The following MBOAT7 variants were observed in gnomAD, a reference collection of about 807,000 sequenced individuals.
MBOAT7 encodes membrane bound acylglycerophosphatidylinositol O-acyltransferase MBOAT7, also known as membrane-bound acylglycerophosphatidylinositol O-acyltransferase MBOAT7.
Under a neutral mutation model 47.4 loss-of-function variants are expected in MBOAT7, and 40 were observed. That is an observed-to-expected ratio of 0.84 (90% CI 0.66 to 1.10). The LOEUF (loss-of-function observed/expected upper bound fraction) is 1.10, where lower values mean the gene tolerates loss of function less well. Among genes scored for constraint, MBOAT7 ranks in the 50% least tolerant of loss-of-function variants. MBOAT7 has a pLI of 0.00. For synonymous variants in MBOAT7, 361 were observed against 292.0 expected (o/e 1.24, Z -2.41); for missense variants, 680 against 655.6 (o/e 1.04, Z -0.41).
intron 6 of MBOAT7, 184 bp from the exon 7 acceptor site, chr19:54,179,125 AGGTGGGTGGGCTG>A (rs1262389030): frequency 1.4e-6 from 1 of 733,456 alleles, no homozygotes; most frequent in East Asian, 2.7e-5. Flanking sequence ...TAGGGTAGGA[AGGTGGGTGGGCTG>A]GGTGGTACAG....
rs1270774109 is a variant in MBOAT7, at chr19:54,173,807, G to A, written c.*237C>T. The A allele has an allele frequency of 4.2e-6, 2 of 474,602 alleles. No homozygotes were observed. The highest frequency in any genetic ancestry group is 7.3e-6 in the Non-Finnish European group (2 of 273,946). 29.4% of individuals were successfully genotyped at this position (474,602 alleles called of 1,614,324 possible). On this transcript the variant is annotated 3_prime_UTR_variant, in exon 8 of 8. Transcript: ENST00000245615. Reference sequence around the variant, plus strand: ...TCTGGATACCCAGAAGCTGGAGCAGGGGCCAGTGACTCTTGTCTGGACAAT... The same window carrying A: ...TCTGGATACCCAGAAGCTGGAGCAGAGGCCAGTGACTCTTGTCTGGACAAT...
intron 7 of MBOAT7, chr19:54,178,475 G>T (rs73613045): frequency 2.3e-6 from 3 of 1,326,906 alleles, no homozygotes; most frequent in Non-Finnish European, 2.9e-6. Flanking sequence ...TAACCTGGAC[G>T]GCCAAGATTC....
intron 5 of MBOAT7, among the ~76,000 whole-genome samples, chr19:54,181,977 GGGAGGGAAGGAAGGAGGGAGGGAGGGAA>G (rs2076297606): frequency 9.5e-5 from 5 of 52,778 alleles, no homozygotes; most frequent in African/African-American, 4.0e-4. Context: ...GAAGGAAGGA[GGGAGGGAAGGAAGGAGGGAGGGAGGGAA>G]GGAGGGAAGG....
chr19:54,180,918 C>T lies in MBOAT7; in HGVS notation c.709G>A (p.Val237Ile), dbSNP rs755557904. ...AAGCGCATGCGGAAGGCGAAGAAGACGGGGATCATGTAGAAGAGGCGGGCG... is the reference window on the plus strand; with the variant it reads ...AAGCGCATGCGGAAGGCGAAGAAGATGGGGATCATGTAGAAGAGGCGGGCG... ...LPARLFYMIP[V>I]FFAFRMRFYV... The change falls in exon 6 of 8, where the codon GTC becomes ATC. Residue 237 changes from valine to isoleucine, a missense_variant. By Grantham distance (29) the Val-to-Ile change is conservative. Transcript: ENST00000245615. The surrounding 1 kb of genome is among the most constrained non-coding windows in gnomAD (Gnocchi z 5.2). 86 of 1,598,118 alleles carry T rather than the reference C, an allele frequency of 5.4e-5. No individual in the cohort carries two copies. Among genetic ancestry groups the T allele is most frequent in the African/African-American group, 4.8e-4 (36 of 74,956 alleles).
intron 5 of MBOAT7, 105 bp downstream of exon 5, chr19:54,183,416 A>G (rs892691849): frequency 1.4e-5 from 18 of 1,319,020 alleles, no homozygotes; most frequent in Non-Finnish European, 1.9e-5. Context: ...AGCAGATGCT[A>G]GGATGGAGGT....
chr19:54,178,346 T>G, intron 7 of MBOAT7: 1 of 1,076,492 alleles, frequency 9.3e-7, no homozygotes, highest in Non-Finnish European at 1.1e-6. Context: ...ATTAAATACA[T>G]TTCACATTTT....
At chr19:54,188,608 C>T (rs2076530189) in intron 1 of MBOAT7, 97 bp from the exon 2 acceptor site, 2 of 1,201,104 alleles carry the variant, frequency 1.7e-6, no homozygotes, top group Non-Finnish European at 2.3e-6. Flanking sequence ...TTCTAGACCC[C>T]AGTTTTTGAG....
At chr19:54,177,151 AAATACTAATACT>A (rs71195744) in intron 7 of MBOAT7, among the ~76,000 whole-genome samples, 12 of 146,026 alleles carry the variant, frequency 8.2e-5, no homozygotes, top group African/African-American at 5.1e-5. Flanking sequence ...CAGAGCATCA[AAATACTAATACT>A]AATACTAATA....
chr19:54,178,736 G>A (rs757972919), intron 7 of MBOAT7, 29 bp downstream of exon 7: 3 of 1,609,366 alleles, frequency 1.9e-6, no homozygotes, highest in Admixed American at 1.7e-5. Context: ...GTTCTGCAGT[G>A]TCACCTGAGA....
At chr19:54,184,890 G>A (rs933952200) in intron 4 of MBOAT7, among the ~76,000 whole-genome samples, 3 of 126,548 alleles carry the variant, frequency 2.4e-5, no homozygotes, top group Non-Finnish European at 4.8e-5. Flanking sequence ...GGCAACAGGA[G>A]TGAAACTCCG....
At chr19:54,174,854 C>T (rs1260545564) in intron 7 of MBOAT7, among the ~76,000 whole-genome samples, 7 of 152,292 alleles carry the variant, frequency 4.6e-5, no homozygotes, top group Admixed American at 2.6e-4. Flanking sequence ...TCCAGGAGCT[C>T]GCAGCCTTCC....
At chr19:54,183,707 C>T in intron 4 of MBOAT7, 27 bp from the exon 5 acceptor site, 2 of 1,518,350 alleles carry the variant, frequency 1.3e-6, no homozygotes, top group Non-Finnish European at 1.8e-6. Context: ...GGGCAAGGGG[C>T]CAGGTCAGAC....
At chr19:54,187,310 C>A in intron 3 of MBOAT7, 23 bp from the exon 4 acceptor site, 2 of 1,590,694 alleles carry the variant, frequency 1.3e-6, no homozygotes, top group Non-Finnish European at 1.7e-6. Context: ...AGGAGGCGCA[C>A]TGTGTTGGGC....
rs766790231 is a variant in MBOAT7, at chr19:54,183,588, C to G, written c.426G>C (p.Leu142=). 15 of 1,608,628 alleles carry G rather than the reference C, an allele frequency of 9.3e-6. No individual in the cohort carries two copies. The highest frequency in any genetic ancestry group is 1.3e-5 in the Non-Finnish European group (15 of 1,177,754). ...SGFSKGPTLG[L]LPDVPSLMET... ...CCATCAGGGAGGGCACGTCGGGCAG[C>G]AGCCCCAGGGTGGGCCCCTTGCTGA... Residue 142 remains leucine (L), a synonymous_variant, in exon 5 of 8, where the codon CTG becomes CTC. Transcript: ENST00000245615.
chr19:54,188,516 G>A lies in MBOAT7; in HGVS notation c.-3-5C>T. ...CCATTCTTCAGGCGACATGGTCTGG[G>A]GGAGGGGCAGAGATTCACAGTGAGA... On this transcript the variant is annotated splice_region_variant and splice_polypyrimidine_tract_variant and intron_variant, in intron 1 of 7. Transcript: ENST00000245615. The A allele has an allele frequency of 1.9e-6, 3 of 1,551,932 alleles. No individual in the cohort carries two copies. The highest frequency in any genetic ancestry group is 2.4e-5 in the East Asian group (1 of 41,002).
At position 54,188,468 on chromosome 19, in the gene MBOAT7, A is replaced by T. The variant is rs909640138; in HGVS notation, c.41T>A (p.Ile14Asn). ...EEWTYLVVLL[I>N]SIPIGFLFKK... ...AAAGAGGAAGCCGATGGGGATGGAGATAAGAAGAACCACTAGATACGTCCA... is the reference window on the plus strand; with the variant it reads ...AAAGAGGAAGCCGATGGGGATGGAGTTAAGAAGAACCACTAGATACGTCCA... The change falls in exon 2 of 8, where the codon ATC (isoleucine) becomes AAC (asparagine). Residue 14 changes from isoleucine to asparagine, a missense_variant. Ile to Asn is a moderately radical substitution (Grantham distance 149). Transcript: ENST00000245615. The T allele has an allele frequency of 3.0e-5, 46 of 1,556,158 alleles. No homozygotes were observed. Among genetic ancestry groups the T allele is most frequent in the African/African-American group, 4.1e-5 (3 of 73,236 alleles).
At chr19:54,175,982 C>G (rs1600631304) in intron 7 of MBOAT7, among the ~76,000 whole-genome samples, 1 of 152,248 alleles carries the variant, frequency 6.6e-6, no homozygotes, top group South Asian at 2.1e-4. Context: ...CGTGGCCTAC[C>G]AAAGTGCTGG....
Position 54,174,312 on chromosome 19 carries a change from C to G in MBOAT7, c.1151G>C (p.Arg384Pro), listed in dbSNP as rs545959971. ...AAEGRLESAL[R>P]GRLSPGGQKA... Reference sequence around the variant, plus strand: ...CTGGCCCCCTGGGCTCAGCCGCCCCCGCAGGGCTGACTCCAGCCGGCCCTC... The same window carrying G: ...CTGGCCCCCTGGGCTCAGCCGCCCCGGCAGGGCTGACTCCAGCCGGCCCTC... The change falls in exon 8 of 8, where the codon CGG (arginine) becomes CCG (proline). Residue 384 changes from arginine to proline, a missense_variant. Transcript: ENST00000245615. The G allele has an allele frequency of 3.7e-6, 6 of 1,613,384 alleles. No homozygotes were observed. The South Asian group carries it at 6.6e-5, about 18-fold the overall frequency.
At chr19:54,175,047 C>A (rs1159573729) in intron 7 of MBOAT7, among the ~76,000 whole-genome samples, 2 of 146,208 alleles carry the variant, frequency 1.4e-5, no homozygotes, top group Non-Finnish European at 3.0e-5. Context: ...GCGATCTTGG[C>A]TCACTGCAAG....
Sources: allele counts gnomAD v4.1 joint callset (sites outside exome capture counted in the v4.1 genomes callset), GRCh38; gene constraint gnomAD v4.1.1; non-coding constraint Gnocchi (gnomAD v3.1); transcripts MANE v1.5; gene names NCBI Gene and HGNC (gene_info 2026-07-23, HGNC 2026-07-21).